Variants in VPS13D observed in about 807,000 individuals in gnomAD.
VPS13D encodes intermembrane lipid transfer protein VPS13D.
Under a neutral mutation model 461.9 loss-of-function variants are expected in VPS13D, and 187 were observed. That is an observed-to-expected ratio of 0.40 (90% CI 0.36 to 0.46). The LOEUF is 0.46. Among genes scored for constraint, VPS13D ranks in the 20% least tolerant of loss-of-function variants. VPS13D has a pLI of 0.60. For synonymous variants in VPS13D, 1,951 were observed against 1,986.3 expected (o/e 0.98, Z 0.47); for missense variants, 4,711 against 5,364.9 (o/e 0.88, Z 3.81).
intron 65 of VPS13D, among the ~76,000 whole-genome samples, chr1:12,441,629 G>T (rs1487746038): frequency 6.6e-6 from 1 of 152,194 alleles, no homozygotes; most frequent in Non-Finnish European, 1.5e-5. Context: ...TGGCAGGAAC[G>T]ATAAAAGTAG....
intron 57 of VPS13D, among the ~76,000 whole-genome samples, chr1:12,381,922 T>TTTCTTTCTTTCTTTC (rs1553185972): frequency 9.9e-6 from 1 of 101,168 alleles, no homozygotes; most frequent in South Asian, 3.7e-4. Flanking sequence ...CTTTCTTTTC[T>TTTCTTTCTTTCTTTC]TTTCTTTCTT....
At chr1:12,392,108 C>T (rs1285183936) in intron 60 of VPS13D, among the ~76,000 whole-genome samples, 4 of 152,128 alleles carry the variant, frequency 2.6e-5, no homozygotes, top group South Asian at 2.1e-4. Flanking sequence ...GCCATCTGCC[C>T]GCCTAGGCCT....
chr1:12,484,963 C>T (rs1236137072), intron 67 of VPS13D, among the ~76,000 whole-genome samples: 4 of 151,996 alleles, frequency 2.6e-5, no homozygotes, highest in South Asian at 2.1e-4. Flanking sequence ...TGCATGTGCA[C>T]GTGTACACAC....
chr1:12,367,327 G>A (rs1400841866), intron 52 of VPS13D, among the ~76,000 whole-genome samples: 6 of 152,322 alleles, frequency 3.9e-5, no homozygotes, highest in Non-Finnish European at 1.5e-5. Context: ...CAGGATGCCT[G>A]TGATGTCTGT....
intron 42 of VPS13D, among the ~76,000 whole-genome samples, chr1:12,344,374 A>C (rs946688177): frequency 2.0e-5 from 3 of 152,276 alleles, no homozygotes; most frequent in Non-Finnish European, 4.4e-5. Flanking sequence ...CCCAAGAAGC[A>C]AGAGTTCTGA....
At position 12,273,149 on chromosome 1, in the gene VPS13D, G is replaced by A. The variant is rs1305532153; in HGVS notation, c.2236+14G>A. The A allele has an allele frequency of 1.2e-6, 2 of 1,610,814 alleles. No homozygotes were observed. The highest frequency in any genetic ancestry group is 1.7e-5 in the Admixed American group (1 of 59,266). ...CGAACACCCAAGGTATAGTGTGAGT[G>A]GGAAATAATGAAAACCTGCCTTGGT... On this transcript the variant is annotated intron_variant, in intron 18 of 69. Transcript: ENST00000620676.
At chr1:12,348,997 T>G in intron 45 of VPS13D, 24 bp downstream of exon 45, 1 of 1,613,828 alleles carries the variant, frequency 6.2e-7, no homozygotes, top group Non-Finnish European at 8.5e-7. Flanking sequence ...GTCTAGCATA[T>G]AGTAAATGCT....
rs1426276420 is a variant in VPS13D at position 12,288,264 on chromosome 1, G to A, written c.5676G>A (p.Glu1892=). ...TAGTGCTGAATAAGACCACCAGTGAGCTTGCCAAAGCAAATGTGTCCAAAT... is the reference window on the plus strand; with the variant it reads ...TAGTGCTGAATAAGACCACCAGTGAACTTGCCAAAGCAAATGTGTCCAAAT... The part of the protein sequence containing the change: ...LSLVLNKTTS[E]LAKANVSKLV... Residue 1892 remains glutamate, a synonymous_variant, in exon 22 of 70, where the codon GAG becomes GAA. Coordinates refer to ENST00000620676, the MANE Select transcript of VPS13D (RefSeq NM_015378.4). 2 of 1,614,038 alleles carry A rather than the reference G, an allele frequency of 1.2e-6. No individual in the cohort carries two copies. Among genetic ancestry groups the A allele is most frequent in the Admixed American group, 1.7e-5 (1 of 60,014 alleles).
rs374448770 is a variant in VPS13D at position 12,379,478 on chromosome 1, C to T, written c.11082-10C>T. On this transcript the variant is annotated splice_polypyrimidine_tract_variant and intron_variant, in intron 56 of 69. Coordinates refer to ENST00000620676, the MANE Select transcript of VPS13D (RefSeq NM_015378.4). ...AGGTTTCATGGTTCATTGTGTATTC[C>T]GTTTTCCAGATACGAGCCACTGATG... 1.5e-4 allele frequency: 234 copies of T among 1,610,364 alleles called. No individual in the cohort carries two copies. The highest frequency in any genetic ancestry group is 2.7e-4 in the African/African-American group (20 of 74,698).
chr1:12,437,734 G>A (rs1158276197), intron 65 of VPS13D, among the ~76,000 whole-genome samples: 1 of 152,164 alleles, frequency 6.6e-6, no homozygotes, highest in Non-Finnish European at 1.5e-5. Flanking sequence ...ACTAAAAGTG[G>A]ATGTTTATCT....
chr1:12,253,166 A>C (rs968767551), intron 6 of VPS13D, among the ~76,000 whole-genome samples: 17 of 152,190 alleles, frequency 1.1e-4, no homozygotes, highest in African/African-American at 4.1e-4. Flanking sequence ...CTCAAAAAAA[A>C]AAAAAAAAAT....
chr1:12,348,027 T>A (rs975370329), intron 44 of VPS13D, among the ~76,000 whole-genome samples: 22 of 152,236 alleles, frequency 1.4e-4, no homozygotes, highest in African/African-American at 4.8e-4. Flanking sequence ...TTTTTAAAGT[T>A]CTTTAAAATA....
At chr1:12,447,394 G>A (rs1482990834) in intron 65 of VPS13D, among the ~76,000 whole-genome samples, 1 of 152,156 alleles carries the variant, frequency 6.6e-6, no homozygotes, top group African/African-American at 2.4e-5. Context: ...GGATTGTTGT[G>A]AGGATTAAGC....
chr1:12,348,771 TTA>T (rs1305657842), intron 44 of VPS13D, 50 bp from the exon 45 acceptor site: 3 of 1,599,476 alleles, frequency 1.9e-6, no homozygotes, highest in Middle Eastern at 1.7e-4. Flanking sequence ...TTATTGTATT[TTA>T]TATGTTTTTT....
intron 46 of VPS13D, among the ~76,000 whole-genome samples, chr1:12,353,153 C>A (rs1331112306): frequency 6.6e-6 from 1 of 151,830 alleles, no homozygotes; most frequent in African/African-American, 2.4e-5. Flanking sequence ...TTATTCATAA[C>A]CATGGCATAC....
intron 25 of VPS13D, among the ~76,000 whole-genome samples, chr1:12,301,401 G>T (rs1642421229): frequency 1.3e-5 from 2 of 152,174 alleles, no homozygotes; most frequent in South Asian, 4.1e-4. Flanking sequence ...TCAGTAATTT[G>T]CTATAGTGGC....
chr1:12,456,023 T>C lies in VPS13D; in HGVS notation c.12359T>C (p.Leu4120Ser). 1.2e-6 allele frequency: 2 copies of C among 1,613,310 alleles called. No individual in the cohort carries two copies. The highest frequency in any genetic ancestry group is 1.7e-6 in the Non-Finnish European group (2 of 1,179,678). The stretch of plus-strand genomic sequence containing the variant: ...TTTGCTGGAACATTATCAGATGGCT[T>C]AGGGAAGACGATGGACAATCGGCAT... The part of the protein sequence containing the change: ...AKFAGTLSDG[L>S]GKTMDNRHQS... Residue 4120 changes from leucine (L) to serine (S), a missense_variant, in exon 66 of 70, where the codon TTA becomes TCA. Physicochemically the swap from Leu to Ser is moderately radical, Grantham distance 145 (BLOSUM62 -2). Coordinates refer to ENST00000620676, the MANE Select transcript of VPS13D (RefSeq NM_015378.4).
chr1:12,386,863 G>A (rs1644356767), intron 60 of VPS13D, among the ~76,000 whole-genome samples: 1 of 152,178 alleles, frequency 6.6e-6, no homozygotes, highest in East Asian at 1.9e-4. Context: ...TTACCAATTT[G>A]AGAACGTTTC....
Position 12,261,883 on chromosome 1 carries a change from T to G in VPS13D, c.1415-18T>G. On this transcript the variant is annotated intron_variant, in intron 12 of 69. Transcript: ENST00000620676. ...CTTCCACGTTTTTTCTTACAGTCTT[T>G]TCTCCCTTACCATTTAGGCACTGAG... The G allele has an allele frequency of 1.9e-6, 3 of 1,586,532 alleles. No individual in the cohort carries two copies. The highest frequency in any genetic ancestry group is 2.6e-6 in the Non-Finnish European group (3 of 1,162,308).
Sources: allele counts gnomAD v4.1 joint callset (sites outside exome capture counted in the v4.1 genomes callset), GRCh38; gene constraint gnomAD v4.1.1; transcripts MANE v1.5; gene names NCBI Gene and HGNC (gene_info 2026-07-23, HGNC 2026-07-21).